MYO19: variants seen among roughly 807,000 people sequenced by gnomAD.
MYO19 encodes myosin XIX.
MYO19 carries 132 observed loss-of-function variants against 129.2 expected under a neutral mutation model. The ratio of observed to expected loss-of-function variants is 1.02; its 90% CI spans 0.89 to 1.18. The LOEUF is 1.18. Among genes scored for constraint, MYO19 ranks in the 50% most tolerant of loss-of-function variants. The pLI is 0.00. For synonymous variants in MYO19, 531 were observed against 477.2 expected (o/e 1.11, Z -1.47); for missense variants, 1,210 against 1,216.7 (o/e 0.99, Z 0.08).
At chr17:36,535,410 A>G (rs2074079609), upstream of MYO19, 1 of 152,270 alleles carries the variant, frequency 6.6e-6, no homozygotes, top group Non-Finnish European at 1.5e-5. Context: ...CACTGGCACG[A>G]GCGCCATGAT....
At chr17:36,521,040 A>C (rs1304857829) in intron 6 of MYO19, among the ~76,000 whole-genome samples, 1 of 152,184 alleles carries the variant, frequency 6.6e-6, no homozygotes, top group Non-Finnish European at 1.5e-5. Context: ...GATATGCCCA[A>C]AGATTTATCA....
chr17:36,540,610 A>T (rs1241699402), intron 2 of MYO19, among the ~76,000 whole-genome samples: 2 of 152,062 alleles, frequency 1.3e-5, no homozygotes, highest in Non-Finnish European at 1.5e-5. Context: ...TCCTCAAGTG[A>T]TCCGCCCACC....
intron 15 of MYO19, 122 bp downstream of exon 15, chr17:36,507,681 A>G: frequency 7.6e-7 from 1 of 1,310,084 alleles, no homozygotes; most frequent in Non-Finnish European, 1.0e-6. Context: ...TTATTTGTCA[A>G]TTAAAAATAA....
intron 21 of MYO19, chr17:36,502,853 C>T: frequency 1.8e-6 from 1 of 564,330 alleles, no homozygotes; most frequent in Non-Finnish European, 3.1e-6. Context: ...CAGATACTAC[C>T]TCTTCCAGGA....
upstream of MYO19, chr17:36,538,068 G>C: frequency 6.2e-7 from 1 of 1,614,130 alleles, no homozygotes; most frequent in Non-Finnish European, 8.5e-7. Context: ...TGTGCAAACA[G>C]GGTTATATAT....
chr17:36,537,157 T>A (rs1223227109), upstream of MYO19: 1 of 1,613,604 alleles, frequency 6.2e-7, no homozygotes, highest in Admixed American at 1.7e-5. Flanking sequence ...GGAACCACCG[T>A]GCTGGAAATC....
intron 2 of MYO19, 63 bp from the exon 3 acceptor site, chr17:36,532,744 T>G: frequency 1.6e-6 from 1 of 630,702 alleles, no homozygotes; most frequent in East Asian, 2.8e-5. Flanking sequence ...AGTGACTCAC[T>G]CACTCCTTCC....
At chr17:36,533,444 A>G (rs947811977) in intron 2 of MYO19, 1 of 152,038 alleles carries the variant, frequency 6.6e-6, no homozygotes, top group African/African-American at 2.4e-5. Flanking sequence ...TGGTTAAGTG[A>G]CCCTCAGACT....
intron 3 of MYO19, among the ~76,000 whole-genome samples, chr17:36,531,537 GTAT>G (rs888814556): frequency 2.0e-5 from 3 of 151,422 alleles, no homozygotes; most frequent in African/African-American, 7.3e-5. Context: ...ACATTGAAAA[GTAT>G]TATATTTTTG....
In MYO19 at chr17:36,509,111, C is replaced by A. The variant is rs765221351; in HGVS notation, c.1182G>T (p.Val394=). The change falls in exon 14 of 26, where the codon GTG becomes GTT. Residue 394 remains valine, a synonymous_variant. Coordinates refer to ENST00000614623, the MANE Select transcript of MYO19 (RefSeq NM_001163735.2). Reference sequence around the variant, plus strand: ...TGTCTGCACAGATGCTGCTGTTGATCACTGATACCAGCCAGTCAAACAACC... The same window carrying A: ...TGTCTGCACAGATGCTGCTGTTGATAACTGATACCAGCCAGTCAAACAACC... ...YARLFDWLVS[V]INSSICADTD... 1 of 1,613,806 alleles carries A rather than the reference C, an allele frequency of 6.2e-7. No homozygotes were observed. The highest frequency in any genetic ancestry group is 8.5e-7 in the Non-Finnish European group (1 of 1,179,832).
intron 13 of MYO19, 98 bp downstream of exon 13, chr17:36,510,647 TG>T: frequency 7.4e-7 from 1 of 1,351,490 alleles, no homozygotes; most frequent in Non-Finnish European, 1.0e-6. Flanking sequence ...TCTCCCACCC[TG>T]GGCCTGTGCC....
chr17:36,500,121 A>C (rs2071406605), intron 23 of MYO19: 1 of 152,086 alleles, frequency 6.6e-6, no homozygotes, highest in Non-Finnish European at 1.5e-5. Flanking sequence ...GCCTCCCAAA[A>C]TGCTGGGATT....
At chr17:36,499,271 T>G (rs1449899925) in intron 23 of MYO19, 111 bp from the exon 24 acceptor site, 2 of 730,414 alleles carry the variant, frequency 2.7e-6, no homozygotes, top group Non-Finnish European at 4.5e-6. Context: ...AATACGTTTT[T>G]TTTTTTTCAA....
chr17:36,535,713 A>G (rs1333669929), upstream of MYO19: 1 of 152,224 alleles, frequency 6.6e-6, no homozygotes, highest in African/African-American at 2.4e-5. Context: ...GTAGGAGTGC[A>G]GTGGCGCGAT....
At chr17:36,523,005 CAA>C (rs35950584) in intron 6 of MYO19, among the ~76,000 whole-genome samples, 1 of 85,402 alleles carries the variant, frequency 1.2e-5, no homozygotes, top group Admixed American at 1.3e-4. Flanking sequence ...GACTCCGTCT[CAA>C]AAAAAAAAAC....
rs1006865428 is a variant in MYO19 at position 36,532,690 on chromosome 17, TGA to T, written c.-143-11_-143-10del. 5.5e-6 allele frequency: 5 copies of T among 906,658 alleles called. No homozygotes were observed. The highest frequency in any genetic ancestry group is 2.2e-5 in the Admixed American group (1 of 45,634). 56.2% of individuals were successfully genotyped at this position (906,658 alleles called of 1,614,324 possible). ...ACAAGTCACTCCAGCGCCTGTGGCA[TGA>T]GAGAGAAGACAAGGACCACACACAG... On this transcript the variant is annotated splice_polypyrimidine_tract_variant and intron_variant, in intron 2 of 25. Coordinates refer to ENST00000614623, the MANE Select transcript of MYO19 (RefSeq NM_001163735.2).
intron 1 of MYO19, among the ~76,000 whole-genome samples, chr17:36,542,886 T>C (rs1047419398): frequency 4.6e-5 from 7 of 151,578 alleles, no homozygotes; most frequent in African/African-American, 1.7e-4. Flanking sequence ...CAGCTGATTT[T>C]TGTATTTTTA....
rs2070959517 is a variant in MYO19, at chr17:36,496,294, C to T, written c.2870G>A (p.Arg957Lys). The T allele has an allele frequency of 1.2e-6, 2 of 1,614,028 alleles. No homozygotes were observed. Among genetic ancestry groups the T allele is most frequent in the East Asian group, 2.2e-5 (1 of 44,888 alleles). Residue 957 changes from arginine to lysine, a missense_variant, in exon 26 of 26, where the codon AGG (arginine) becomes AAG (lysine). Coordinates refer to ENST00000614623, the MANE Select transcript of MYO19 (RefSeq NM_001163735.2). ...GGCAGAAGAGGTCACGTGGATCAGC[C>T]TGTGTCTTTCCAGCAGAATCTGATT... ...GFNQILLERH[R>K]LIHVTSSAFT...
intron 25 of MYO19, among the ~76,000 whole-genome samples, 196 bp from the exon 26 acceptor site, chr17:36,496,602 A>G (rs970645436): frequency 1.3e-5 from 2 of 152,188 alleles, no homozygotes; most frequent in African/African-American, 4.8e-5. Flanking sequence ...GGCGCTCCCT[A>G]AGAGGAATGT....
Sources: allele counts gnomAD v4.1 joint callset (sites outside exome capture counted in the v4.1 genomes callset), GRCh38; gene constraint gnomAD v4.1.1; transcripts MANE v1.5; gene names NCBI Gene and HGNC (gene_info 2026-07-23, HGNC 2026-07-21).